Variants in GTF2F1 observed in about 807,000 individuals in gnomAD.
GTF2F1 encodes the protein general transcription factor IIF 74 kDa subunit.
GTF2F1 carries 39 observed loss-of-function variants against 63.5 expected under a neutral mutation model. The observed-to-expected ratio is 0.61, with a 90% CI of 0.48 to 0.80. The LOEUF (loss-of-function observed/expected upper bound fraction) is 0.80. Ranked by LOEUF, GTF2F1 falls within the 30% of genes least tolerant of loss-of-function variation. GTF2F1 has a pLI of 0.00. For synonymous variants in GTF2F1, 287 were observed against 285.3 expected, an observed-to-expected ratio of 1.01 and a Z score of -0.06; for missense variants, 657 against 718.3, an observed-to-expected ratio of 0.91 and a Z score of 0.97.
Position 6,392,866 on chromosome 19 carries a change from C to T in GTF2F1, c.50G>A (p.Arg17Gln). Residue 17 changes from arginine to glutamine, a missense_variant, in exon 2 of 13, where the codon CGA (arginine) becomes CAA (glutamine). Transcript: ENST00000394456. Reference sequence around the variant, plus strand: ...GGGGCTGGGGACTTACTTAGGAACTCGAACGACGTATTCAGTGACATTCTG... The same window carrying T: ...GGGGCTGGGGACTTACTTAGGAACTTGAACGACGTATTCAGTGACATTCTG... The part of the protein sequence containing the change: ...SSQNVTEYVV[R>Q]VPKNTTKKYN... The T allele has an allele frequency of 1.2e-6, 2 of 1,613,998 alleles. No homozygotes were observed. The highest frequency in any genetic ancestry group is 1.7e-6 in the Non-Finnish European group (2 of 1,179,930).
Position 6,380,768 on chromosome 19 carries a change from C to A in GTF2F1, c.1232-78G>T. 6.4e-7 allele frequency: 1 copy of A among 1,562,566 alleles called. No homozygotes were observed. The highest frequency in any genetic ancestry group is 2.2e-5 in the East Asian group (1 of 44,534). On this transcript the variant is annotated intron_variant, in intron 11 of 12. Transcript: ENST00000394456. The surrounding 1 kb of genome is among the most constrained non-coding windows in gnomAD (Gnocchi z 5.3). ...GGCAGGACCCCAGGCTGGGCAGTGC[C>A]AGGATTAGGGTTCAAGGGGATCAGG...
rs182733379 is a variant in GTF2F1 at position 6,393,095 on chromosome 19, G to A, written c.-100C>T. Reference sequence around the variant, plus strand: ...CCCGGGGAAGCCGCCGCTCGGTGTCGGGTCTCTGTGCCTGAGCGAGGACCC... The same window carrying A: ...CCCGGGGAAGCCGCCGCTCGGTGTCAGGTCTCTGTGCCTGAGCGAGGACCC... On this transcript the variant is annotated 5_prime_UTR_variant, in exon 1 of 13. Transcript: ENST00000394456. 2.0e-5 allele frequency: 30 copies of A among 1,500,738 alleles called. No homozygotes were observed. The highest frequency in any genetic ancestry group is 1.8e-4 in the African/African-American group (13 of 72,704). The allele number at this position is 1,500,738 out of a possible 1,614,324, so 93.0% of individuals were successfully genotyped here. A position where few individuals can be genotyped will look rare whatever the true frequency, so the allele number is the denominator to read the frequency against.
chr19:6,385,762 G>A (rs2091971765), intron 5 of GTF2F1, among the ~76,000 whole-genome samples: 1 of 152,168 alleles, frequency 6.6e-6, no homozygotes, highest in Non-Finnish European at 1.5e-5. Context: ...TGACTCTTCA[G>A]AAATTTTAAA....
intron 2 of GTF2F1, 51 bp downstream of exon 2, chr19:6,392,806 T>C (rs1599218494): frequency 2.6e-6 from 4 of 1,554,720 alleles, no homozygotes; most frequent in African/African-American, 1.4e-5. Flanking sequence ...ATCGTGAAGG[T>C]TTTCATTTTT....
At chr19:6,391,170 C>G (rs1306941644) in intron 3 of GTF2F1, among the ~76,000 whole-genome samples, 1 of 152,184 alleles carries the variant, frequency 6.6e-6, no homozygotes, top group African/African-American at 2.4e-5. Flanking sequence ...CAGTTTGTCT[C>G]CCCATAGCAG....
Position 6,380,944 on chromosome 19 carries a change from G to A in GTF2F1, c.1191C>T (p.Thr397=), listed in dbSNP as rs1452652900. The A allele has an allele frequency of 1.9e-6, 3 of 1,588,298 alleles. No homozygotes were observed. The highest frequency in any genetic ancestry group is 2.6e-6 in the Non-Finnish European group (3 of 1,167,898). Residue 397 remains threonine (T), a synonymous_variant, in exon 11 of 13, where the codon ACC becomes ACT. Coordinates refer to ENST00000394456, the MANE Select transcript of GTF2F1 (RefSeq NM_002096.3). This position sits in a 1 kb window ranked among gnomAD's most constrained non-coding sequence, Gnocchi z 5.3. ...PGTPSAEGGS[T]SSTLRAAASK... ...TGGCAGCCGCCCGCAGGGTGGAGGA[G>A]GTGCTGCCACCCTCTGCGCTGGGCG...
At chr19:6,387,270 G>T (rs576535549) in intron 5 of GTF2F1, 119 bp downstream of exon 5, 77 of 922,220 alleles carry the variant, frequency 8.3e-5, no homozygotes, top group Non-Finnish European at 9.8e-5. Flanking sequence ...ACGGCCGAGT[G>T]GGGTCTGCCC....
chr19:6,383,327 A>G lies in GTF2F1; in HGVS notation c.666T>C (p.Asp222=). ...CGTACTCACCCTCCTCACCACTGGC[A>G]TCACTGGCATCGGACGACATCTCCA... The part of the protein sequence containing the change: ...DDLEMSSDAS[D]ASGEEGGRVP... Residue 222 remains aspartate, a synonymous_variant, in exon 6 of 13, where the codon GAT becomes GAC. Coordinates refer to ENST00000394456, the MANE Select transcript of GTF2F1 (RefSeq NM_002096.3). This position sits in a 1 kb window ranked among gnomAD's most constrained non-coding sequence, Gnocchi z 4.5. The G allele has an allele frequency of 6.2e-7, 1 of 1,614,028 alleles. No individual in the cohort carries two copies. The highest frequency in any genetic ancestry group is 8.5e-7 in the Non-Finnish European group (1 of 1,180,020).
chr19:6,391,593 C>T (rs959676587), intron 3 of GTF2F1, among the ~76,000 whole-genome samples: 1 of 151,796 alleles, frequency 6.6e-6, no homozygotes, highest in Non-Finnish European at 1.5e-5. Context: ...GGACTACAGA[C>T]CCACGCTATC....
In GTF2F1 at chr19:6,381,870, A is replaced by T. The variant is rs776656036; in HGVS notation, c.683-20T>A. 3 of 1,598,442 alleles carry T rather than the reference A, an allele frequency of 1.9e-6. No homozygotes were observed. Among genetic ancestry groups the T allele is most frequent in the Non-Finnish European group, 2.6e-6 (3 of 1,170,166 alleles). On this transcript the variant is annotated intron_variant, in intron 6 of 12. Transcript: ENST00000394456. The surrounding 1 kb of genome is among the most constrained non-coding windows in gnomAD (Gnocchi z 4.1). ...TGCCCCCTGGGAAGGGAGGAAAGGA[A>T]GGAAAGGAGGGAAAGTGAGGAGGAA...
In GTF2F1 at chr19:6,383,503, C is replaced by A; in HGVS notation, c.498-8G>T. On this transcript the variant is annotated splice_region_variant and splice_polypyrimidine_tract_variant and intron_variant, in intron 5 of 12. Transcript: ENST00000394456. The surrounding 1 kb of genome is among the most constrained non-coding windows in gnomAD (Gnocchi z 4.5). The stretch of plus-strand genomic sequence containing the variant: ...TTCAGCACCTTGTTCCTCCTGCGGG[C>A]CAGGCACAGGGGGGCTCATGCCGGG... The A allele has an allele frequency of 6.2e-7, 1 of 1,611,404 alleles. No homozygotes were observed. Among genetic ancestry groups the A allele is most frequent in the South Asian group, 1.1e-5 (1 of 91,076 alleles).
intron 5 of GTF2F1, among the ~76,000 whole-genome samples, chr19:6,385,395 CAAAAAAA>C (rs10602439): frequency 7.9e-5 from 3 of 37,982 alleles, no homozygotes; most frequent in Admixed American, 6.4e-4. Context: ...GAGACTGTCT[CAAAAAAA>C]AAAAAAAAAA....
chr19:6,383,199 G>T lies in GTF2F1; in HGVS notation c.682+112C>A. On this transcript the variant is annotated intron_variant, in intron 6 of 12. Transcript: ENST00000394456. This position sits in a 1 kb window ranked among gnomAD's most constrained non-coding sequence, Gnocchi z 4.5. Reference sequence around the variant, plus strand: ...TGACAGGCGTGAGCCACTGTGCCCGGCCCCACTTGCCTCTCATTCTAGGGC... The same window carrying T: ...TGACAGGCGTGAGCCACTGTGCCCGTCCCCACTTGCCTCTCATTCTAGGGC... 2 of 1,147,706 alleles carry T rather than the reference G, an allele frequency of 1.7e-6. No individual in the cohort carries two copies. Among genetic ancestry groups the T allele is most frequent in the Non-Finnish European group, 2.5e-6 (2 of 790,342 alleles). 71.1% of individuals were successfully genotyped at this position (1,147,706 alleles called of 1,614,324 possible). A position where few individuals can be genotyped will look rare whatever the true frequency, so the allele number is the denominator to read the frequency against.
At chr19:6,387,209 T>C in intron 5 of GTF2F1, 180 bp downstream of exon 5, 1 of 592,908 alleles carries the variant, frequency 1.7e-6, no homozygotes, top group Non-Finnish European at 2.9e-6. Flanking sequence ...GGGTGCCCCA[T>C]TGTGGCCCTA....
rs982242610 is a variant in GTF2F1 at position 6,380,556 on chromosome 19, T to C, written c.1349+17A>G. ...CAGTAGCCCTTGCCCTGCCCCCTGC[T>C]GTCCTCGTCAACTTACCCGCTGTTG... On this transcript the variant is annotated intron_variant, in intron 12 of 12. Transcript: ENST00000394456. The surrounding 1 kb of genome is among the most constrained non-coding windows in gnomAD (Gnocchi z 5.3). 1.9e-6 allele frequency: 3 copies of C among 1,613,224 alleles called. No homozygotes were observed. The African/African-American group carries it at 4.0e-5, about 22-fold the overall frequency.
rs116607532 is a variant in GTF2F1, at chr19:6,389,996, G to A, written c.133-359C>T. Among the ~76,000 whole-genome samples the A allele has an allele frequency of 5.2e-3, 791 of 152,280 alleles. 5 individuals are homozygous for A. The highest frequency in any genetic ancestry group is 0.018 in the African/African-American group (749 of 41,576). On this transcript the variant is annotated intron_variant, in intron 3 of 12. Transcript: ENST00000394456. ...TATCTACAGCAGGCATCTGGTTCCAGGATTCTTTTCAAAAAATGTCTAAGT... is the reference window on the plus strand; with the variant it reads ...TATCTACAGCAGGCATCTGGTTCCAAGATTCTTTTCAAAAAATGTCTAAGT...
At position 6,383,483 on chromosome 19, in the gene GTF2F1, C is replaced by A. The variant is rs768174606; in HGVS notation, c.510G>T (p.Val170=). The change falls in exon 6 of 13, where the codon GTG becomes GTT. Residue 170 remains valine (V), a synonymous_variant. Transcript: ENST00000394456. This position sits in a 1 kb window ranked among gnomAD's most constrained non-coding sequence, Gnocchi z 4.5. ...GCTGCATGATGCTGAAGTGGTTCAG[C>A]ACCTTGTTCCTCCTGCGGGCCAGGC... ...AEEEWERRNK[V]LNHFSIMQQR... 6.2e-7 allele frequency: 1 copy of A among 1,613,202 alleles called. No individual in the cohort carries two copies. Among genetic ancestry groups the A allele is most frequent in the South Asian group, 1.1e-5 (1 of 91,078 alleles).
Position 6,380,247 on chromosome 19 carries a change from T to C in GTF2F1, c.*34A>G, listed in dbSNP as rs777359292. The C allele has an allele frequency of 3.3e-5, 52 of 1,570,158 alleles. No individual in the cohort carries two copies. The highest frequency in any genetic ancestry group is 4.3e-5 in the Non-Finnish European group (49 of 1,139,942). ...GCGAAGGGGCAGTGAGAGCCTTAAG[T>C]TCTGGGGGGCAGAGCCATGTATTGG... is the stretch of plus-strand genomic sequence containing the variant. On this transcript the variant is annotated 3_prime_UTR_variant, in exon 13 of 13. Transcript: ENST00000394456. The surrounding 1 kb of genome is among the most constrained non-coding windows in gnomAD (Gnocchi z 5.3).
At chr19:6,392,484 G>A (rs1419836278) in intron 2 of GTF2F1, 1 of 525,448 alleles carries the variant, frequency 1.9e-6, no homozygotes, top group African/African-American at 1.9e-5. Flanking sequence ...ACAGTTTAGG[G>A]GTTGAGGGGA....
Sources: gnomAD v4.1 joint callset for allele counts (sites outside exome capture counted in the v4.1 genomes callset) on GRCh38, gnomAD v4.1.1 for gene constraint, Gnocchi (gnomAD v3.1) non-coding constraint, MANE v1.5 for transcripts, NCBI Gene and HGNC (gene_info 2026-07-23, HGNC 2026-07-21) for gene names.